Variants in TENM3 observed in about 807,000 individuals in gnomAD.
The protein encoded by TENM3 is teneurin transmembrane protein 3, also known as teneurin-3.
Under a neutral mutation model 255.1 loss-of-function variants are expected in TENM3, and 63 were observed. That is an observed-to-expected ratio of 0.25 (90% confidence interval 0.20 to 0.30). TENM3 has a LOEUF of 0.30. Among genes scored for constraint, TENM3 ranks in the 10% least tolerant of loss-of-function variants. The pLI, the probability that TENM3 is intolerant of heterozygous loss-of-function variation, is 1.00. For missense variants in TENM3, 2,929 were observed against 3,461.1 expected, an observed-to-expected ratio of 0.85 and a Z score of 3.86; for synonymous variants, 1,306 against 1,322.3, an observed-to-expected ratio of 0.99 and a Z score of 0.27.
intron 3 of TENM3, among the ~76,000 whole-genome samples, chr4:182,588,087 C>T (rs1033871324): frequency 1.3e-5 from 2 of 151,708 alleles, no homozygotes; most frequent in African/African-American, 4.8e-5. Context: ...TTTCAAATAC[C>T]CATAACATAA....
At chr4:181,592,524 C>A in the TENM3 span, among the ~76,000 whole-genome samples, 26 of 152,122 alleles carry the variant, frequency 1.7e-4, no homozygotes, top group Non-Finnish European at 1.2e-4. Context: ...AAGAAACAAG[C>A]CCATTCTCAG....
the TENM3 span, among the ~76,000 whole-genome samples, chr4:181,478,656 C>T: frequency 6.6e-6 from 1 of 152,180 alleles, no homozygotes; most frequent in African/African-American, 2.4e-5. Flanking sequence ...AGAACACTTT[C>T]TCTTCAGCAT....
chr4:182,693,878 T>C (rs189840957), intron 12 of TENM3, among the ~76,000 whole-genome samples: 80 of 152,344 alleles, frequency 5.3e-4, no homozygotes, highest in African/African-American at 1.7e-3. Flanking sequence ...AATTTTGTTA[T>C]TAAGTGTAAA....
At chr4:181,518,526 C>T in the TENM3 span, among the ~76,000 whole-genome samples, 4 of 152,150 alleles carry the variant, frequency 2.6e-5, no homozygotes, top group African/African-American at 9.7e-5. Flanking sequence ...CTCCTGGGTT[C>T]AAGCGATTCT....
At chr4:181,923,859 A>ATT in the TENM3 span, among the ~76,000 whole-genome samples, 2 of 152,146 alleles carry the variant, frequency 1.3e-5, no homozygotes, top group African/African-American at 4.8e-5. Flanking sequence ...TAGGAACAGA[A>ATT]TTTTGAACTT....
intron 12 of TENM3, among the ~76,000 whole-genome samples, chr4:182,704,970 G>A (rs1024263357): frequency 6.6e-6 from 1 of 152,030 alleles, no homozygotes; most frequent in Non-Finnish European, 1.5e-5. Context: ...ATTTTAAGGA[G>A]TCTTGAGTAA....
At chr4:181,580,715 A>G in the TENM3 span, among the ~76,000 whole-genome samples, 1 of 152,150 alleles carries the variant, frequency 6.6e-6, no homozygotes, top group Non-Finnish European at 1.5e-5. Flanking sequence ...CATGTTCATC[A>G]CTTTGCCTAG....
At chr4:181,669,637 C>A in the TENM3 span, among the ~76,000 whole-genome samples, 17 of 152,104 alleles carry the variant, frequency 1.1e-4, no homozygotes, top group Non-Finnish European at 1.6e-4. Flanking sequence ...AGACCAGATA[C>A]CCCCAGCGTA....
chr4:181,984,454 A>T, the TENM3 span, among the ~76,000 whole-genome samples: 15 of 152,208 alleles, frequency 9.9e-5, no homozygotes, highest in African/African-American at 3.6e-4. Context: ...GAAGAAAGAA[A>T]AAGCGACTTC....
chr4:182,249,215 G>A (rs891996989), intron 1 of TENM3, among the ~76,000 whole-genome samples: 4 of 152,156 alleles, frequency 2.6e-5, no homozygotes, highest in Admixed American at 1.3e-4. Context: ...CCTGGGTCGC[G>A]CAGCCAGATG....
intron 1 of TENM3, among the ~76,000 whole-genome samples, chr4:182,209,899 G>T (rs895444996): frequency 6.6e-6 from 1 of 151,980 alleles, no homozygotes; most frequent in Non-Finnish European, 1.5e-5. Flanking sequence ...TGCAGGGGGA[G>T]GTGGGGTAGA....
At chr4:182,462,661 C>T (rs749594710) in intron 3 of TENM3, among the ~76,000 whole-genome samples, 5 of 151,614 alleles carry the variant, frequency 3.3e-5, no homozygotes, top group South Asian at 2.1e-4. Context: ...GCCAGGTGGA[C>T]GGATCACCTG....
intron 3 of TENM3, among the ~76,000 whole-genome samples, chr4:182,442,760 TTGTGTGTGTGTGTGTGTGTGTACATATG>T (rs1561451351): frequency 6.7e-6 from 1 of 148,820 alleles, no homozygotes. Flanking sequence ...CTCGACTAAT[TTGTGTGTGTGTGTGTGTGTGTACATATG>T]TGTGTGTGTG....
chr4:181,511,855 G>C, the TENM3 span, among the ~76,000 whole-genome samples: 430 of 152,142 alleles, frequency 2.8e-3, 2 homozygotes, highest in Middle Eastern at 0.014. Flanking sequence ...CCAAAAGAAA[G>C]GCTTAAAATG....
At chr4:182,533,053 C>G (rs987889533) in intron 3 of TENM3, among the ~76,000 whole-genome samples, 48 of 152,160 alleles carry the variant, frequency 3.2e-4, no homozygotes, top group Non-Finnish European at 1.2e-4. Context: ...TTATGCCTCC[C>G]TAAGTGCTTG....
the TENM3 span, among the ~76,000 whole-genome samples, chr4:182,078,452 G>C: frequency 6.6e-6 from 1 of 152,204 alleles, no homozygotes; most frequent in East Asian, 1.9e-4. Flanking sequence ...AACCTGGGAG[G>C]TGGAGATTGC....
At chr4:182,764,427 A>G (rs1763496793) in intron 22 of TENM3, among the ~76,000 whole-genome samples, 1 of 152,220 alleles carries the variant, frequency 6.6e-6, no homozygotes, top group Admixed American at 6.5e-5. Context: ...TAAGAATGGT[A>G]AGTGCTAAGA....
the TENM3 span, among the ~76,000 whole-genome samples, chr4:181,936,447 A>C: frequency 6.6e-6 from 1 of 152,104 alleles, no homozygotes; most frequent in Admixed American, 6.6e-5. Context: ...TGAATTAATT[A>C]ATTAGTTAAT....
At chr4:182,234,816 T>TTAA (rs1756797510) in intron 1 of TENM3, among the ~76,000 whole-genome samples, 1 of 152,134 alleles carries the variant, frequency 6.6e-6, no homozygotes, top group South Asian at 2.1e-4. Flanking sequence ...CAGGTAGACT[T>TTAA]TAATACAGTC....
Sources: allele counts gnomAD v4.1 joint callset (sites outside exome capture counted in the v4.1 genomes callset), GRCh38; gene constraint gnomAD v4.1.1; transcripts MANE v1.5; gene names NCBI Gene and HGNC (gene_info 2026-07-23, HGNC 2026-07-21).